The following TACC2 variants were observed in gnomAD, a reference collection of about 807,000 sequenced individuals.
The protein encoded by TACC2 is transforming acidic coiled-coil containing protein 2.
TACC2 carries 137 observed loss-of-function variants against 227.3 expected under a neutral mutation model. The ratio of observed to expected loss-of-function variants is 0.60; its 90% CI spans 0.52 to 0.69. TACC2 has a LOEUF of 0.69. TACC2 is among the 30% of genes least tolerant of loss of function. TACC2 has a pLI of 0.00. For synonymous variants in TACC2, 1,523 were observed against 1,487.5 expected (o/e 1.02, Z -0.55); for missense variants, 3,470 against 3,694.4 (o/e 0.94, Z 1.57).
chr10:122,091,485 C>A (rs2080812386), intron 5 of TACC2, among the ~76,000 whole-genome samples: 1 of 152,112 alleles, frequency 6.6e-6, no homozygotes, highest in South Asian at 2.1e-4. Flanking sequence ...CTGCTTTTCC[C>A]TGGTCTTTGA....
chr10:122,030,403 C>A (rs953769564), intron 2 of TACC2, among the ~76,000 whole-genome samples: 1 of 152,112 alleles, frequency 6.6e-6, no homozygotes, highest in Admixed American at 6.5e-5. Flanking sequence ...GTCAAAATGC[C>A]TTCCAGAACA....
At chr10:122,095,806 TG>T (rs540568358) in intron 5 of TACC2, among the ~76,000 whole-genome samples, 194 of 152,358 alleles carry the variant, frequency 1.3e-3, no homozygotes, top group African/African-American at 4.4e-3. Flanking sequence ...ATACAGTCGC[TG>T]CTGGCCACAG....
chr10:122,084,962 G>A lies in TACC2; in HGVS notation c.2462G>A (p.Trp821Ter), dbSNP rs958859981. Reference sequence around the variant, plus strand: ...TGGATAAGAGGAGCTGCATCCGAGTGGCCCCTACTATCTTCTGAGAAGCAT... The same window carrying A: ...TGGATAAGAGGAGCTGCATCCGAGTAGCCCCTACTATCTTCTGAGAAGCAT... ...EGWIRGAASE[W>*]PLLSSEKHLQ... Residue 821 changes from tryptophan to a stop codon, truncating the protein, a stop_gained, in exon 4 of 23, where the codon TGG becomes TAG. Transcript: ENST00000369005. LOFTEE classifies it high-confidence loss of function. 5 of 1,614,166 alleles carry A rather than the reference G, an allele frequency of 3.1e-6. No individual in the cohort carries two copies. The highest frequency in any genetic ancestry group is 4.2e-6 in the Non-Finnish European group (5 of 1,180,042).
chr10:122,173,743 A>G (rs1471278512), intron 7 of TACC2, among the ~76,000 whole-genome samples: 1 of 152,238 alleles, frequency 6.6e-6, no homozygotes, highest in Non-Finnish European at 1.5e-5. Context: ...GCAGGACTTC[A>G]GGAGCCAGAG....
chr10:122,141,659 G>C lies in TACC2; in HGVS notation c.5700-1913G>C, dbSNP rs982455080. On this transcript the variant is annotated intron_variant, in intron 6 of 22. Transcript: ENST00000369005. This position sits in a 1 kb window ranked among gnomAD's most constrained non-coding sequence, Gnocchi z 4.3. ...CTGGCTTTGTTGTGATTAGCAGCGG[G>C]CCACAGATCTAAGGTAGCATCTCCC... Among the ~76,000 whole-genome samples the C allele has an allele frequency of 1.6e-4, 24 of 152,028 alleles. No homozygotes were observed. Among genetic ancestry groups the C allele is most frequent in the Admixed American group, 7.2e-4 (11 of 15,260 alleles).
At chr10:122,109,357 T>C (rs2083319631) in intron 5 of TACC2, among the ~76,000 whole-genome samples, 1 of 152,216 alleles carries the variant, frequency 6.6e-6, no homozygotes, top group African/African-American at 2.4e-5. Flanking sequence ...TTGATTTGCA[T>C]TTCCCTGATA....
At chr10:122,034,997 T>A (rs1959794759) in intron 2 of TACC2, among the ~76,000 whole-genome samples, 1 of 151,962 alleles carries the variant, frequency 6.6e-6, no homozygotes, top group African/African-American at 2.4e-5. Flanking sequence ...CCTCCATTAT[T>A]TTTCAGTTTT....
chr10:122,102,654 C>T (rs965105500), intron 5 of TACC2, among the ~76,000 whole-genome samples: 4 of 152,226 alleles, frequency 2.6e-5, no homozygotes, highest in Non-Finnish European at 4.4e-5. Flanking sequence ...AGTGCAGGAG[C>T]ACACTGGCCC....
chr10:122,192,909 C>A, intron 7 of TACC2: 1 of 384,556 alleles, frequency 2.6e-6, no homozygotes, highest in South Asian at 1.8e-5. Flanking sequence ...CCAGGGCTCG[C>A]CAGGCTGATC....
At chr10:122,123,428 T>C (rs1315069559) in intron 5 of TACC2, among the ~76,000 whole-genome samples, 2 of 152,128 alleles carry the variant, frequency 1.3e-5, no homozygotes, top group Non-Finnish European at 2.9e-5. Context: ...TCATCATCAC[T>C]AAAAAGCACA....
In TACC2 at chr10:122,195,054, A is replaced by G; in HGVS notation, c.5849A>G (p.Glu1950Gly). The G allele has an allele frequency of 6.2e-7, 1 of 1,612,714 alleles. No homozygotes were observed. The highest frequency in any genetic ancestry group is 8.5e-7 in the Non-Finnish European group (1 of 1,179,232). ...TCTCTCATCAGGAGTTCCGATTCTG[A>G]AGAGGCATTTGAGACCCCGGAGTCA... ...AKDLSRSSDS[E>G]EAFETPESTT... The change falls in exon 8 of 23, where the codon GAA becomes GGA. Residue 1950 changes from glutamate (E) to glycine (G), a missense_variant. Coordinates refer to ENST00000369005, the MANE Select transcript of TACC2 (RefSeq NM_206862.4).
At chr10:122,111,466 A>G (rs987007673) in intron 5 of TACC2, among the ~76,000 whole-genome samples, 1 of 73,244 alleles carries the variant, frequency 1.4e-5, no homozygotes, top group African/African-American at 3.6e-5. Context: ...TTTTACCACA[A>G]ATGGATATGA....
chr10:122,006,178 G>A (rs1334153477), intron 1 of TACC2, among the ~76,000 whole-genome samples: 1 of 152,090 alleles, frequency 6.6e-6, no homozygotes, highest in Non-Finnish European at 1.5e-5. Context: ...GCCAGGCACG[G>A]TGGCTCAAGC....
chr10:122,092,437 T>C (rs2080927535), intron 5 of TACC2, among the ~76,000 whole-genome samples: 1 of 152,204 alleles, frequency 6.6e-6, no homozygotes, highest in African/African-American at 2.4e-5. Flanking sequence ...TTGCTAGTTA[T>C]CAGGTGACAT....
intron 7 of TACC2, among the ~76,000 whole-genome samples, chr10:122,149,155 T>C (rs1187242614): frequency 6.6e-6 from 1 of 152,220 alleles, no homozygotes; most frequent in Non-Finnish European, 1.5e-5. Context: ...CTCTGAGAGC[T>C]TGTGGCAAAG....
At chr10:122,225,511 A>G (rs986963379) in intron 12 of TACC2, among the ~76,000 whole-genome samples, 1 of 152,246 alleles carries the variant, frequency 6.6e-6, no homozygotes, top group African/African-American at 2.4e-5. Context: ...TGAGTAAAGC[A>G]CATGGGCTTT....
intron 11 of TACC2, among the ~76,000 whole-genome samples, chr10:122,217,816 G>A (rs190558016): frequency 6.6e-6 from 1 of 152,114 alleles, no homozygotes; most frequent in African/African-American, 2.4e-5. Flanking sequence ...CTGACCTGTT[G>A]GTGCACCACG....
At chr10:122,115,282 GTGTGTGTGTGTGTGTGT>G (rs2084451726) in intron 5 of TACC2, among the ~76,000 whole-genome samples, 3 of 12,274 alleles carry the variant, frequency 2.4e-4, no homozygotes, top group African/African-American at 4.2e-4. Context: ...GTGTGTGTGT[GTGTGTGTGTGTGTGTGT>G]GTGTGTGTGT....
intron 1 of TACC2, among the ~76,000 whole-genome samples, chr10:121,997,380 C>G (rs1420394096): frequency 6.6e-6 from 1 of 152,196 alleles, no homozygotes; most frequent in Non-Finnish European, 1.5e-5. Context: ...TTCTCTACCA[C>G]TGGTCCTGGC....
Sources: allele counts gnomAD v4.1 joint callset (sites outside exome capture counted in the v4.1 genomes callset), GRCh38; gene constraint gnomAD v4.1.1; non-coding constraint Gnocchi (gnomAD v3.1); transcripts MANE v1.5; gene names NCBI Gene and HGNC (gene_info 2026-07-23, HGNC 2026-07-21).